MYO9B: variants seen among roughly 807,000 people sequenced by gnomAD.
MYO9B encodes myosin IXB.
MYO9B carries 71 observed loss-of-function variants against 229.5 expected under a neutral mutation model. That is an observed-to-expected ratio of 0.31 (90% CI 0.26 to 0.38). The LOEUF (loss-of-function observed/expected upper bound fraction) is 0.38, where lower values mean the gene tolerates loss of function less well. Among genes scored for constraint, MYO9B ranks in the 10% least tolerant of loss-of-function variants. The probability of loss-of-function intolerance (pLI) is 1.00; values close to 1 mark genes in which losing one functional copy is unlikely to be tolerated. For missense variants in MYO9B, 2,255 were observed against 2,920.5 expected (o/e 0.77, Z 5.25); for synonymous variants, 1,185 against 1,235.8 (o/e 0.96, Z 0.86).
intron 1 of MYO9B, among the ~76,000 whole-genome samples, chr19:17,085,755 C>G (rs1306734138): frequency 2.0e-5 from 3 of 152,148 alleles, no homozygotes; most frequent in African/African-American, 7.2e-5. Flanking sequence ...TTACTTGAAC[C>G]CAGGAGTTCG....
chr19:17,180,232 C>CAATGAATA (rs1555701595), intron 14 of MYO9B, among the ~76,000 whole-genome samples: 1 of 146,970 alleles, frequency 6.8e-6, no homozygotes, highest in African/African-American at 2.5e-5. Flanking sequence ...GACTCCGTCT[C>CAATGAATA]AATAAATAAA....
At chr19:17,158,202 T>C (rs543819387) in intron 7 of MYO9B, among the ~76,000 whole-genome samples, 113 of 152,312 alleles carry the variant, frequency 7.4e-4, no homozygotes, top group Non-Finnish European at 1.4e-3. Context: ...ATGCTTTGCG[T>C]TCCATTATTG....
chr19:17,174,243 G>A (rs2072758091), intron 13 of MYO9B, among the ~76,000 whole-genome samples: 1 of 151,956 alleles, frequency 6.6e-6, no homozygotes, highest in Non-Finnish European at 1.5e-5. Flanking sequence ...ATGTTAGCCA[G>A]GATGGTCTCG....
chr19:17,202,064 C>T, intron 27 of MYO9B, 40 bp downstream of exon 27: 1 of 1,611,434 alleles, frequency 6.2e-7, no homozygotes, highest in Non-Finnish European at 8.5e-7. Flanking sequence ...CCATACCCTG[C>T]TCAGACCCGT....
chr19:17,172,514 G>A lies in MYO9B; in HGVS notation c.1935+37G>A. 3 of 1,609,042 alleles carry A rather than the reference G, an allele frequency of 1.9e-6. No individual in the cohort carries two copies. The South Asian group carries it at 3.3e-5, about 18-fold the overall frequency. ...CCCATCACCACTGGTGGAAGCCTGA[G>A]GGAAGCCACAGTCAGCCCAGAAGCC... On this transcript the variant is annotated intron_variant, in intron 12 of 39. Transcript: ENST00000682292. The surrounding 1 kb of genome is among the most constrained non-coding windows in gnomAD (Gnocchi z 8.2).
chr19:17,152,617 T>A, intron 3 of MYO9B, 27 bp from the exon 4 acceptor site: 1 of 1,592,906 alleles, frequency 6.3e-7, no homozygotes, highest in Non-Finnish European at 8.6e-7. Context: ...TAATGTTTTA[T>A]TCTTTCTGTT....
chr19:17,098,884 C>T lies in MYO9B; in HGVS notation c.-58-2776C>T, dbSNP rs143994969. Among the ~76,000 whole-genome samples, 633 of 148,470 alleles carry T rather than the reference C, an allele frequency of 4.3e-3. 4 individuals carry two copies. The highest frequency in any genetic ancestry group is 6.4e-3 in the Non-Finnish European group (431 of 67,472). On this transcript the variant is annotated intron_variant, in intron 1 of 39. Coordinates refer to ENST00000682292, the MANE Select transcript of MYO9B (RefSeq NM_004145.4). ...CAGGGAGATCAAGTCTGCAGTGAGC[C>T]GTGATCATGCCAATGCACCCCAGCC...
chr19:17,084,390 G>A (rs545835626), intron 1 of MYO9B, among the ~76,000 whole-genome samples: 13 of 152,106 alleles, frequency 8.5e-5, no homozygotes, highest in African/African-American at 3.1e-4. Context: ...TATTTAGTGT[G>A]AGGAAAGAAT....
intron 2 of MYO9B, among the ~76,000 whole-genome samples, chr19:17,144,199 G>C (rs1006584202): frequency 2.7e-5 from 4 of 150,928 alleles, no homozygotes; most frequent in Admixed American, 2.6e-4. Context: ...CTGGGCAACA[G>C]AGCGAGACCC....
At chr19:17,180,341 A>ATCTTTTTTTTTTT (rs1555701612) in intron 14 of MYO9B, among the ~76,000 whole-genome samples, 1 of 87,984 alleles carries the variant, frequency 1.1e-5, no homozygotes. Context: ...GATGGAAATA[A>ATCTTTTTTTTTTT]TTTTTTTTTT....
At chr19:17,126,657 T>C (rs1599349715) in intron 2 of MYO9B, among the ~76,000 whole-genome samples, 1 of 80,732 alleles carries the variant, frequency 1.2e-5, no homozygotes, top group Non-Finnish European at 2.8e-5. Flanking sequence ...ATCTTTTGAC[T>C]TTTTTTTTTC....
chr19:17,132,534 T>A (rs796241648), intron 2 of MYO9B, among the ~76,000 whole-genome samples: 18,566 of 134,688 alleles, frequency 0.14, 1,394 homozygotes, highest in East Asian at 0.27. Context: ...TATTTTTTTT[T>A]TTTTTTTTTT....
intron 20 of MYO9B, among the ~76,000 whole-genome samples, chr19:17,192,283 C>CAA (rs35803676): frequency 7.2e-5 from 9 of 124,380 alleles, no homozygotes; most frequent in South Asian, 2.4e-4. Context: ...GACTCCATCT[C>CAA]AAAAAAAAAA....
In MYO9B at chr19:17,211,770, G is replaced by T. The variant is rs572227199; in HGVS notation, c.6054G>T (p.Ser2018=). 1.9e-6 allele frequency: 3 copies of T among 1,612,900 alleles called. No individual in the cohort carries two copies. Among genetic ancestry groups the T allele is most frequent in the East Asian group, 2.2e-5 (1 of 44,820 alleles). Residue 2018 remains serine (S), a synonymous_variant, in exon 39 of 40, where the codon TCG becomes TCT. Transcript: ENST00000682292. ...AGGAGCGGGCCGGGCGGGGGGCCTC[G>T]GAAGGTCAGTATTAAGGTAGCGTCT... ...LLEERAGRGA[S]EGPPAPALPC...
At chr19:17,177,206 A>G (rs1337269594) in intron 14 of MYO9B, among the ~76,000 whole-genome samples, 3 of 152,084 alleles carry the variant, frequency 2.0e-5, no homozygotes, top group Non-Finnish European at 4.4e-5. Context: ...GTCTCAAAAA[A>G]AAGTTTTTGG....
intron 1 of MYO9B, among the ~76,000 whole-genome samples, chr19:17,078,409 G>A (rs2057505617): frequency 6.6e-6 from 1 of 152,124 alleles, no homozygotes; most frequent in Non-Finnish European, 1.5e-5. Flanking sequence ...GCGTGGTGAT[G>A]TGCGCCTGTA....
intron 30 of MYO9B, among the ~76,000 whole-genome samples, chr19:17,203,669 G>A (rs2145499809): frequency 6.7e-6 from 1 of 150,350 alleles, no homozygotes; most frequent in East Asian, 2.0e-4. Context: ...AGATCTTTCT[G>A]GACCGTTGTC....
chr19:17,089,515 C>T (rs561058672), intron 1 of MYO9B, among the ~76,000 whole-genome samples: 1 of 152,194 alleles, frequency 6.6e-6, no homozygotes, highest in Non-Finnish European at 1.5e-5. Flanking sequence ...ATTCCGAATC[C>T]TCCGCCAAAC....
intron 18 of MYO9B, 104 bp downstream of exon 18, chr19:17,186,105 G>T (rs961324910): frequency 9.9e-7 from 1 of 1,005,386 alleles, no homozygotes; most frequent in South Asian, 1.4e-5. Context: ...ATGGGGGACG[G>T]TGCAGCAGTC....
Sources: gnomAD v4.1 joint callset for allele counts (sites outside exome capture counted in the v4.1 genomes callset) on GRCh38, gnomAD v4.1.1 for gene constraint, Gnocchi (gnomAD v3.1) non-coding constraint, MANE v1.5 for transcripts, NCBI Gene and HGNC (gene_info 2026-07-23, HGNC 2026-07-21) for gene names.